Variants in GPHN observed in about 807,000 individuals in gnomAD.
The protein encoded by GPHN is gephyrin.
In GPHN, 17 loss-of-function variants were observed where a neutral mutation model predicts 95.5. The ratio of observed to expected loss-of-function variants is 0.18; its 90% CI spans 0.12 to 0.27. The LOEUF is 0.27. Among genes scored for constraint, GPHN ranks in the 10% least tolerant of loss-of-function variants. The probability of loss-of-function intolerance (pLI) is 1.00; values close to 1 mark genes in which losing one functional copy is unlikely to be tolerated. For synonymous variants in GPHN, 320 were observed against 322.5 expected, an observed-to-expected ratio of 0.99 and a Z score of 0.08; for missense variants, 660 against 978.1, an observed-to-expected ratio of 0.67 and a Z score of 4.34.
chr14:67,232,367 T>C, the GPHN span, among the ~76,000 whole-genome samples: 1 of 152,190 alleles, frequency 6.6e-6, no homozygotes, highest in African/African-American at 2.4e-5. Flanking sequence ...CAGAGACCTC[T>C]AGCTAACAGG....
chr14:66,581,396 A>G (rs1157276548), intron 1 of GPHN, among the ~76,000 whole-genome samples: 2 of 151,928 alleles, frequency 1.3e-5, no homozygotes, highest in Non-Finnish European at 2.9e-5. Context: ...ACGAAAAACT[A>G]TGCTAGATAC....
intron 2 of GPHN, among the ~76,000 whole-genome samples, chr14:66,705,111 C>A (rs2068943761): frequency 6.6e-6 from 1 of 152,198 alleles, no homozygotes; most frequent in South Asian, 2.1e-4. Context: ...CAAGACTAAA[C>A]CAGGAAGAAG....
At chr14:67,418,041 C>T in the GPHN span, among the ~76,000 whole-genome samples, 1 of 152,114 alleles carries the variant, frequency 6.6e-6, no homozygotes, top group African/African-American at 2.4e-5. Flanking sequence ...CCACCATGCC[C>T]GGCCTGGATA....
intron 11 of GPHN, among the ~76,000 whole-genome samples, chr14:67,085,093 C>A (rs1250970068): frequency 6.6e-6 from 1 of 152,210 alleles, no homozygotes; most frequent in East Asian, 1.9e-4. Flanking sequence ...GTCATACATA[C>A]ATTTTTCTCA....
the GPHN span, among the ~76,000 whole-genome samples, chr14:67,710,729 T>C: frequency 6.6e-6 from 1 of 152,016 alleles, no homozygotes; most frequent in Non-Finnish European, 1.5e-5. Flanking sequence ...GGACACACTT[T>C]TTTTTTTAGA....
chr14:67,374,767 GTTTT>G, the GPHN span: 11 of 358,962 alleles, frequency 3.1e-5, 1 homozygote, highest in Middle Eastern at 1.5e-3. Flanking sequence ...AAAATACGGG[GTTTT>G]TTTGTTTGTT....
At chr14:67,089,118 T>G in intron 12 of GPHN, 43 bp downstream of exon 12, 1 of 649,292 alleles carries the variant, frequency 1.5e-6, no homozygotes, top group Non-Finnish European at 2.6e-6. Context: ...GCACTGTATT[T>G]TTTTTTCTTT....
the GPHN span, chr14:67,350,564 T>G: frequency 2.0e-6 from 3 of 1,503,224 alleles, no homozygotes; most frequent in Non-Finnish European, 2.8e-6. Context: ...ATTATGAGAC[T>G]GAAATCACTT....
intron 5 of GPHN, among the ~76,000 whole-genome samples, chr14:66,880,350 TTTG>T (rs35170352): frequency 0.31 from 46,255 of 150,330 alleles, 10,918 homozygotes; most frequent in African/African-American, 0.64. Context: ...TTCACTTCTT[TTTG>T]TTGTTGTTGT....
the GPHN span, chr14:67,241,106 C>T: frequency 6.6e-6 from 1 of 152,262 alleles, no homozygotes; most frequent in Non-Finnish European, 1.5e-5. Context: ...CGGAGCAGTC[C>T]GCGTTTTAGA....
At chr14:67,386,657 G>T in the GPHN span, 1 of 151,894 alleles carries the variant, frequency 6.6e-6, no homozygotes, top group Non-Finnish European at 1.5e-5. Flanking sequence ...ATCTTTTTCT[G>T]TCCTTTAGAG....
the GPHN span, chr14:67,473,980 C>T: frequency 1.1e-3 from 1,719 of 1,518,888 alleles, 7 homozygotes; most frequent in African/African-American, 7.4e-3. This position sits in a 1 kb window ranked among gnomAD's most constrained non-coding sequence, Gnocchi z 6.5. Context: ...GGGCCGGGCG[C>T]GGTGGCTCAC....
the GPHN span, among the ~76,000 whole-genome samples, chr14:67,233,218 T>C: frequency 6.6e-6 from 1 of 152,016 alleles, no homozygotes; most frequent in African/African-American, 2.4e-5. Flanking sequence ...CTCAGCTCAC[T>C]GCAACATCTG....
At chr14:67,554,360 G>A in the GPHN span, among the ~76,000 whole-genome samples, 51 of 152,222 alleles carry the variant, frequency 3.4e-4, 1 homozygote. Flanking sequence ...AGAAGGTTGA[G>A]TAGCCAGAGA....
intron 2 of GPHN, among the ~76,000 whole-genome samples, chr14:66,749,741 A>C (rs1225010611): frequency 6.6e-6 from 1 of 151,816 alleles, no homozygotes; most frequent in South Asian, 2.1e-4. Context: ...ATTTTGTATA[A>C]CAATTCATTA....
rs1005735468 is a variant in GPHN, at chr14:66,746,295, A to G, written c.144-30169A>G. Among the ~76,000 whole-genome samples, 3 of 152,196 alleles carry G rather than the reference A, an allele frequency of 2.0e-5. No individual in the cohort carries two copies. The South Asian group carries it at 6.2e-4, about 32-fold the overall frequency. The stretch of plus-strand genomic sequence containing the variant: ...CTGCATCATTTCAGTATTAGGCTCA[A>G]TCAATTGTCTTATCCCATGTGAATT... On this transcript the variant is annotated intron_variant, in intron 2 of 22. Transcript: ENST00000478722.
At chr14:67,631,019 C>G in the GPHN span, among the ~76,000 whole-genome samples, 1 of 152,216 alleles carries the variant, frequency 6.6e-6, no homozygotes, top group Non-Finnish European at 1.5e-5. Context: ...TCTAGACCCC[C>G]TCCCCTCTGA....
chr14:67,584,174 T>C, the GPHN span: 1 of 1,585,264 alleles, frequency 6.3e-7, no homozygotes, highest in Non-Finnish European at 8.6e-7. Flanking sequence ...TGTCCCCAAC[T>C]GCTCATGTTT....
chr14:67,036,182 G>A (rs12436898), intron 10 of GPHN, among the ~76,000 whole-genome samples: 2,167 of 151,520 alleles, frequency 0.014, 57 homozygotes, highest in Admixed American at 0.058. Flanking sequence ...GCAACCTTTC[G>A]TGATATAACA....
Sources: allele counts gnomAD v4.1 joint callset (sites outside exome capture counted in the v4.1 genomes callset), GRCh38; gene constraint gnomAD v4.1.1; non-coding constraint Gnocchi (gnomAD v3.1); transcripts MANE v1.5; gene names NCBI Gene and HGNC (gene_info 2026-07-23, HGNC 2026-07-21).